The following SNRNP200 variants were observed in gnomAD, a reference collection of about 807,000 sequenced individuals.
The protein encoded by SNRNP200 is U5 small nuclear ribonucleoprotein 200 kDa helicase.
A neutral mutation model predicts 255.2 loss-of-function variants in SNRNP200; 66 were observed. That is an observed-to-expected ratio of 0.26 (90% confidence interval 0.21 to 0.32). The LOEUF (loss-of-function observed/expected upper bound fraction) is 0.32, where lower values mean the gene tolerates loss of function less well. Among genes scored for constraint, SNRNP200 ranks in the 10% least tolerant of loss-of-function variants. SNRNP200 has a pLI of 1.00. For synonymous variants in SNRNP200, 939 were observed against 1,027.8 expected (o/e 0.91, Z 1.65); for missense variants, 1,585 against 2,749.8 (o/e 0.58, Z 9.47).
chr2:96,290,695 C>T lies in SNRNP200; in HGVS notation c.2542G>A (p.Asp848Asn), dbSNP rs757811344. ...AAAAGGCTCTGTACCTGCAGAATGT[C>T]CAGTGCTCCCAGTTCTGTCCAACGC... ...KGRWTELGAL[D>N]ILQMLGRAGR... is the part of the protein sequence containing the mutation. Residue 848 changes from aspartate to asparagine, a missense_variant, in exon 19 of 45, where the codon GAC (aspartate) becomes AAC (asparagine). Around this residue, in one of 9 missense-constraint regions of SNRNP200, gnomAD observed 140 missense variants for 274.9 expected, o/e 0.51. Coordinates refer to ENST00000323853, the MANE Select transcript of SNRNP200 (RefSeq NM_014014.5). This position sits in a 1 kb window ranked among gnomAD's most constrained non-coding sequence, Gnocchi z 4.5. The T allele has an allele frequency of 5.0e-6, 8 of 1,614,214 alleles. No individual in the cohort carries two copies. Among genetic ancestry groups the T allele is most frequent in the Non-Finnish European group, 3.4e-6 (4 of 1,180,030 alleles).
chr2:96,289,326 C>T lies in SNRNP200; in HGVS notation c.2994G>A (p.Val998=), dbSNP rs1437097047. The T allele has an allele frequency of 3.1e-6, 5 of 1,614,054 alleles. No homozygotes were observed. In the African/African-American group the frequency reaches 6.7e-5, roughly 22 times the overall value. Residue 998 remains valine (V), a synonymous_variant, in exon 22 of 45, where the codon GTG becomes GTA. Transcript: ENST00000323853. ...ASHYYITNDT[V]QTYNQLLKPT... Reference sequence around the variant, plus strand: ...GCTTCAGCAGCTGGTTGTAAGTCTGCACTGTATCATTGGTGATGTAGTAGT... The same window carrying T: ...GCTTCAGCAGCTGGTTGTAAGTCTGTACTGTATCATTGGTGATGTAGTAGT...
At position 96,282,892 on chromosome 2, in the gene SNRNP200, G is replaced by T; in HGVS notation, c.4915+309C>A. On this transcript the variant is annotated intron_variant, in intron 34 of 44. Transcript: ENST00000323853. ...ACAAGAACGGACTAATACACTTGGG[G>T]AGTCTGGTATCCACGGAGAATCAGC... 4 of 474,168 alleles carry T rather than the reference G, an allele frequency of 8.4e-6. No individual in the cohort carries two copies. In the Admixed American group the frequency reaches 1.3e-4, roughly 16 times the overall value. 29.4% of individuals were successfully genotyped at this position (474,168 alleles called of 1,614,324 possible). A position where few individuals can be genotyped will look rare whatever the true frequency, so the allele number is the denominator to read the frequency against.
intron 35 of SNRNP200, 155 bp downstream of exon 35, chr2:96,281,659 A>T (rs1684761919): frequency 2.9e-6 from 2 of 685,874 alleles, no homozygotes; most frequent in Non-Finnish European, 5.3e-6. Context: ...AGGTATTGAG[A>T]CACAAAACTC....
chr2:96,280,765 G>A (rs1260233982), intron 35 of SNRNP200, among the ~76,000 whole-genome samples: 1 of 151,198 alleles, frequency 6.6e-6, no homozygotes. Context: ...GGCCAGACTG[G>A]TCTCGAACTC....
chr2:96,292,163 T>A (rs1432901877), intron 16 of SNRNP200, among the ~76,000 whole-genome samples: 2 of 152,222 alleles, frequency 1.3e-5, no homozygotes, highest in East Asian at 3.8e-4. Flanking sequence ...TTAAATAGAC[T>A]ACAACTACAA....
In SNRNP200 at chr2:96,275,355, G is replaced by A. The variant is rs1281155717; in HGVS notation, c.6175-6C>T. Reference sequence around the variant, plus strand: ...CACCAGCCCTCTTCACGTTTCTGCAGTGATCCAAAACCAAGAATTTCAGCA... The same window carrying A: ...CACCAGCCCTCTTCACGTTTCTGCAATGATCCAAAACCAAGAATTTCAGCA... On this transcript the variant is annotated splice_polypyrimidine_tract_variant and splice_region_variant and intron_variant, in intron 43 of 44. Coordinates refer to ENST00000323853, the MANE Select transcript of SNRNP200 (RefSeq NM_014014.5). 6.2e-7 allele frequency: 1 copy of A among 1,612,576 alleles called. No individual in the cohort carries two copies. The highest frequency in any genetic ancestry group is 2.2e-5 in the East Asian group (1 of 44,884).
chr2:96,293,555 T>G, intron 14 of SNRNP200, 46 bp from the exon 15 acceptor site: 1 of 1,554,824 alleles, frequency 6.4e-7, no homozygotes, highest in Non-Finnish European at 8.9e-7. Flanking sequence ...TAGAGATACA[T>G]AGTCCCTTTT....
chr2:96,292,884 T>C (rs2104351836), intron 16 of SNRNP200, 88 bp downstream of exon 16: 1 of 1,495,420 alleles, frequency 6.7e-7, no homozygotes, highest in Non-Finnish European at 9.3e-7. Context: ...TCTTCTCTCT[T>C]TTAATTTCTG....
Position 96,281,938 on chromosome 2 carries a change from G to C in SNRNP200, c.4916-16C>G. The C allele has an allele frequency of 1.2e-6, 2 of 1,605,412 alleles. No homozygotes were observed. The highest frequency in any genetic ancestry group is 1.7e-6 in the Non-Finnish European group (2 of 1,172,278). ...TGGATAGCCCCTGAGCAGTAGAGGGGAGAGGAAGGCTGAGGGCAGGGGTCT... is the reference window on the plus strand; with the variant it reads ...TGGATAGCCCCTGAGCAGTAGAGGGCAGAGGAAGGCTGAGGGCAGGGGTCT... On this transcript the variant is annotated splice_polypyrimidine_tract_variant and intron_variant, in intron 34 of 44. Coordinates refer to ENST00000323853, the MANE Select transcript of SNRNP200 (RefSeq NM_014014.5).
In SNRNP200 at chr2:96,283,622, A is replaced by C; in HGVS notation, c.4676T>G (p.Val1559Gly). Residue 1559 changes from valine to glycine, a missense_variant, in exon 33 of 45, where the codon GTC becomes GGC. This residue lies in a region of SNRNP200 where 719 missense variants were observed against 1,091.1 expected (regional missense o/e 0.66). Transcript: ENST00000323853. The surrounding 1 kb of genome is among the most constrained non-coding windows in gnomAD (Gnocchi z 4.7). ...AITKHSPKKP[V>G]IVFVPSRKQT... is the part of the protein sequence containing the mutation. ...CTTGCGAGACGGCACAAAGACAATG[A>C]CAGGCTTCTTGGGCGAGTGCTTGGT... 1 of 1,614,042 alleles carries C rather than the reference A, an allele frequency of 6.2e-7. No homozygotes were observed. The highest frequency in any genetic ancestry group is 8.5e-7 in the Non-Finnish European group (1 of 1,180,036).
chr2:96,293,132 A>T, intron 15 of SNRNP200, 37 bp from the exon 16 acceptor site: 1 of 1,613,998 alleles, frequency 6.2e-7, no homozygotes, highest in Non-Finnish European at 8.5e-7. Flanking sequence ...AGGCTTTGGC[A>T]GAAAATACTG....
chr2:96,276,864 G>A (rs1684674403), intron 43 of SNRNP200, 40 bp downstream of exon 43: 1 of 1,596,342 alleles, frequency 6.3e-7, no homozygotes, highest in Non-Finnish European at 8.6e-7. Flanking sequence ...CAATGGATAG[G>A]GTGAGTTGAC....
At chr2:96,292,825 T>C in intron 16 of SNRNP200, 147 bp downstream of exon 16, 1 of 886,196 alleles carries the variant, frequency 1.1e-6, no homozygotes, top group Non-Finnish European at 1.8e-6. Context: ...GGCTATAGGT[T>C]CTGTAGTAAT....
intron 23 of SNRNP200, 107 bp from the exon 24 acceptor site, chr2:96,288,853 G>T: frequency 1.8e-6 from 2 of 1,086,792 alleles, no homozygotes; most frequent in African/African-American, 1.5e-5. Context: ...TTTGCTACAG[G>T]TCTTGATTTA....
rs202172419 is a variant in SNRNP200 at position 96,293,514 on chromosome 2, G to A, written c.1843-5C>T. On this transcript the variant is annotated splice_polypyrimidine_tract_variant and splice_region_variant and intron_variant, in intron 14 of 44. Coordinates refer to ENST00000323853, the MANE Select transcript of SNRNP200 (RefSeq NM_014014.5). ...GTGGAGAAGATGAATCTCATCCTAC[G>A]GAATTGGAGGACAGAAATTACCTCT... 2.0e-5 allele frequency: 32 copies of A among 1,611,592 alleles called. No individual in the cohort carries two copies. The highest frequency in any genetic ancestry group is 2.7e-5 in the African/African-American group (2 of 74,940).
intron 5 of SNRNP200, among the ~76,000 whole-genome samples, chr2:96,300,749 G>A (rs1295034403): frequency 2.6e-5 from 4 of 151,040 alleles, no homozygotes; most frequent in Non-Finnish European, 4.4e-5. Context: ...GGGCGACAGA[G>A]AAGACTCCGT....
chr2:96,289,583 C>G (rs191088362), intron 21 of SNRNP200, among the ~76,000 whole-genome samples: 22 of 152,252 alleles, frequency 1.4e-4, no homozygotes, highest in Admixed American at 1.0e-3. Context: ...AGAAAAACAG[C>G]AGAATAAGCT....
At chr2:96,295,735 G>A in intron 13 of SNRNP200, 77 bp from the exon 14 acceptor site, 3 of 1,503,140 alleles carry the variant, frequency 2.0e-6, no homozygotes, top group Middle Eastern at 1.7e-4. Flanking sequence ...GGCAATTGGA[G>A]TGTAGGGCAT....
chr2:96,291,912 CCA>C lies in SNRNP200; in HGVS notation c.2161-14_2161-13del, dbSNP rs1403610066. ...ACAAACACCAGCACCTAAGGAGAAG[CCA>C]CAGTTTGCTACAGTCACGAGATACT... On this transcript the variant is annotated splice_polypyrimidine_tract_variant and intron_variant, in intron 16 of 44. Coordinates refer to ENST00000323853, the MANE Select transcript of SNRNP200 (RefSeq NM_014014.5). This position sits in a 1 kb window ranked among gnomAD's most constrained non-coding sequence, Gnocchi z 4.2. The C allele has an allele frequency of 1.9e-6, 3 of 1,613,570 alleles. No individual in the cohort carries two copies. The Admixed American group carries it at 5.0e-5, about 27-fold the overall frequency.
Sources: allele counts gnomAD v4.1 joint callset (sites outside exome capture counted in the v4.1 genomes callset), GRCh38; gene constraint gnomAD v4.1.1; regional missense constraint gnomAD v4.1.1; non-coding constraint Gnocchi (gnomAD v3.1); transcripts MANE v1.5; gene names NCBI Gene and HGNC (gene_info 2026-07-23, HGNC 2026-07-21).